The following PCDHGB3 variants were observed in gnomAD, a reference collection of about 807,000 sequenced individuals.
PCDHGB3 encodes protocadherin gamma subfamily B, 3.
A neutral mutation model predicts 59.2 loss-of-function variants in PCDHGB3; 40 were observed. The observed-to-expected ratio is 0.68, with a 90% CI of 0.52 to 0.88. The LOEUF (loss-of-function observed/expected upper bound fraction) is 0.88, where lower values mean the gene tolerates loss of function less well. Among genes scored for constraint, PCDHGB3 ranks in the 40% least tolerant of loss-of-function variants. The pLI, the probability that PCDHGB3 is intolerant of heterozygous loss-of-function variation, is 0.00. For missense variants in PCDHGB3, 1,309 were observed against 1,187.9 expected, an observed-to-expected ratio of 1.10 and a Z score of -1.50; for synonymous variants, 581 against 503.6, an observed-to-expected ratio of 1.15 and a Z score of -2.06.
At chr5:141,419,116 C>A in intron 1 of PCDHGB3, 2 of 1,613,888 alleles carry the variant, frequency 1.2e-6, no homozygotes. Context: ...CAGAGTACAA[C>A]GTCACCATCG....
rs114847835 is a variant in PCDHGB3, at chr5:141,486,500, C to T, written c.2416-8307C>T. The T allele has an allele frequency of 6.2e-6, 10 of 1,614,008 alleles. No homozygotes were observed. The East Asian group carries it at 1.8e-4, about 29-fold the overall frequency. On this transcript the variant is annotated intron_variant, in intron 1 of 3. Coordinates refer to ENST00000576222, the MANE Select transcript of PCDHGB3 (RefSeq NM_018924.5). This position sits in a 1 kb window ranked among gnomAD's most constrained non-coding sequence, Gnocchi z 5.0. ...TCTCAGTACCCACAGAACTATTTTCCTCAATATTTCAGATGTGAATGATAA... is the reference window on the plus strand; with the variant it reads ...TCTCAGTACCCACAGAACTATTTTCTTCAATATTTCAGATGTGAATGATAA...
Position 141,490,220 on chromosome 5 carries a change from A to G in PCDHGB3, c.2416-4587A>G. 6.2e-7 allele frequency: 1 copy of G among 1,614,252 alleles called. No individual in the cohort carries two copies. Among genetic ancestry groups the G allele is most frequent in the Non-Finnish European group, 8.5e-7 (1 of 1,180,044 alleles). On this transcript the variant is annotated intron_variant, in intron 1 of 3. Coordinates refer to ENST00000576222, the MANE Select transcript of PCDHGB3 (RefSeq NM_018924.5). This position sits in a 1 kb window ranked among gnomAD's most constrained non-coding sequence, Gnocchi z 5.4. The stretch of plus-strand genomic sequence containing the variant: ...CATGCAAGAGCCCGTGACCAGGGAC[A>G]GCCTGCCATGGAGGGCCACTGTGTG...
chr5:141,457,279 G>A (rs948609305), intron 1 of PCDHGB3, among the ~76,000 whole-genome samples: 2 of 152,190 alleles, frequency 1.3e-5, no homozygotes, highest in African/African-American at 4.8e-5. Flanking sequence ...GTGGGCCTAC[G>A]AAGTTCCTTG....
chr5:141,458,350 A>C (rs1259508706), intron 1 of PCDHGB3, among the ~76,000 whole-genome samples: 1 of 152,162 alleles, frequency 6.6e-6, no homozygotes, highest in East Asian at 1.9e-4. Flanking sequence ...GGAGAGTTTA[A>C]TAAGCAAGAA....
chr5:141,469,128 T>C (rs567164869), intron 1 of PCDHGB3, among the ~76,000 whole-genome samples: 1 of 151,692 alleles, frequency 6.6e-6, no homozygotes, highest in East Asian at 1.9e-4. Context: ...ATTTAAAAAT[T>C]AGCCAGAAAT....
intron 1 of PCDHGB3, chr5:141,382,819 G>T (rs1449028360): frequency 3.1e-6 from 4 of 1,297,848 alleles, no homozygotes; most frequent in Non-Finnish European, 4.3e-6. Flanking sequence ...CCCTTCCTAA[G>T]ACAGAGGGGT....
At chr5:141,435,058 A>G (rs1161891073) in intron 1 of PCDHGB3, among the ~76,000 whole-genome samples, 3 of 152,234 alleles carry the variant, frequency 2.0e-5, no homozygotes, top group East Asian at 3.9e-4. Flanking sequence ...ACCATGCAGC[A>G]GTTTTGTGTA....
At chr5:141,376,522 G>T in intron 1 of PCDHGB3, 1 of 1,613,784 alleles carries the variant, frequency 6.2e-7, no homozygotes, top group Non-Finnish European at 8.5e-7. Context: ...GTTTCTTTCC[G>T]CCTAAGCGGG....
chr5:141,433,313 C>T (rs2097582516), intron 1 of PCDHGB3: 5 of 866,388 alleles, frequency 5.8e-6, no homozygotes, highest in Admixed American at 2.8e-5. Context: ...CCCACCTTTG[C>T]CTCCGGTGTA....
chr5:141,496,225 G>C (rs112222482), intron 2 of PCDHGB3, among the ~76,000 whole-genome samples: 178 of 152,276 alleles, frequency 1.2e-3, no homozygotes, highest in Non-Finnish European at 1.8e-3. Context: ...TGCTGAGACA[G>C]GAACCCCCTG....
At chr5:141,416,400 C>CT (rs1028319330) in intron 1 of PCDHGB3, 1 of 152,036 alleles carries the variant, frequency 6.6e-6, no homozygotes, top group African/African-American at 2.4e-5. Flanking sequence ...CTGCTTTTGT[C>CT]TTTTTTGTTA....
intron 1 of PCDHGB3, among the ~76,000 whole-genome samples, chr5:141,386,699 G>A (rs2150319335): frequency 6.6e-6 from 1 of 152,226 alleles, no homozygotes; most frequent in Non-Finnish European, 1.5e-5. Context: ...TGGGGTAGAA[G>A]ACAATGTTGC....
At chr5:141,404,488 T>C (rs3749770) in intron 1 of PCDHGB3, 387,354 of 1,612,960 alleles carry the variant, frequency 0.24, 50,449 homozygotes, top group African/African-American at 0.51. Flanking sequence ...CAGACACTGG[T>C]GTGCTGTATG....
Position 141,498,971 on chromosome 5 carries a change from GGGAAGGAAGGAAGGAAGGAAGGAA to G in PCDHGB3, c.2474+4140_2474+4163del, listed in dbSNP as rs201769957. 5.1e-3 allele frequency among the ~76,000 whole-genome samples: 569 copies of G among 111,048 alleles called. 6 individuals carry two copies. Among genetic ancestry groups the G allele is most frequent in the South Asian group, 0.024 (65 of 2,658 alleles). 72.9% of individuals were successfully genotyped at this position (111,048 alleles called of 152,430 possible). A position where few individuals can be genotyped will look rare whatever the true frequency, so the allele number is the denominator to read the frequency against. On this transcript the variant is annotated intron_variant, in intron 2 of 3. Coordinates refer to ENST00000576222, the MANE Select transcript of PCDHGB3 (RefSeq NM_018924.5). ...AAAAAGAGAGAGAGGGAGGGAGGGA[GGGAAGGAAGGAAGGAAGGAAGGAA>G]GGAAGGAAGGAAGGAAGGAAGGAAG...
rs1186240180 is a variant in PCDHGB3, at chr5:141,432,270, A to T, written c.2415+59461A>T. On this transcript the variant is annotated intron_variant, in intron 1 of 3. Transcript: ENST00000576222. The surrounding 1 kb of genome is among the most constrained non-coding windows in gnomAD (Gnocchi z 6.0). ...ATCCAAGGGGCAAGCCTATCGTCCT[A>T]CGTGTCCATCAACTCCGACACTGGG... 1 of 1,614,024 alleles carries T rather than the reference A, an allele frequency of 6.2e-7. No homozygotes were observed. The highest frequency in any genetic ancestry group is 8.5e-7 in the Non-Finnish European group (1 of 1,180,028).
chr5:141,436,635 A>G (rs953396225), intron 1 of PCDHGB3, among the ~76,000 whole-genome samples: 8 of 152,184 alleles, frequency 5.3e-5, no homozygotes, highest in African/African-American at 1.9e-4. Context: ...ACAACATGCA[A>G]TTAATTAACA....
At chr5:141,504,709 C>G (rs11743102) in intron 2 of PCDHGB3, among the ~76,000 whole-genome samples, 29,287 of 151,306 alleles carry the variant, frequency 0.19, 2,876 homozygotes, top group Middle Eastern at 0.24. Context: ...CTTCTATGGC[C>G]GTGGATTTTA....
chr5:141,413,601 A>T (rs2095657842), intron 1 of PCDHGB3: 1 of 1,613,814 alleles, frequency 6.2e-7, no homozygotes, highest in African/African-American at 1.3e-5. Flanking sequence ...CAGAAAATCT[A>T]GACGTAAAAA....
At position 141,481,468 on chromosome 5, in the gene PCDHGB3, G is replaced by A. The variant is rs575259839; in HGVS notation, c.2416-13339G>A. Among the ~76,000 whole-genome samples the A allele has an allele frequency of 2.6e-5, 4 of 152,332 alleles. No homozygotes were observed. In the South Asian group the frequency reaches 8.3e-4, roughly 32 times the overall value. On this transcript the variant is annotated intron_variant, in intron 1 of 3. Transcript: ENST00000576222. Reference sequence around the variant, plus strand: ...CATGTAAATACACTGAAAACCATTGGATTATACACTTTAAATATGTGATTT... The same window carrying A: ...CATGTAAATACACTGAAAACCATTGAATTATACACTTTAAATATGTGATTT...
Sources: gnomAD v4.1 joint callset for allele counts (sites outside exome capture counted in the v4.1 genomes callset) on GRCh38, gnomAD v4.1.1 for gene constraint, Gnocchi (gnomAD v3.1) non-coding constraint, MANE v1.5 for transcripts, NCBI Gene and HGNC (gene_info 2026-07-23, HGNC 2026-07-21) for gene names.